Variants in MDN1 observed in about 807,000 individuals in gnomAD.
MDN1 encodes midasin AAA ATPase 1.
In MDN1, 266 loss-of-function variants were observed where a neutral mutation model predicts 669.2. The ratio of observed to expected loss-of-function variants is 0.40; its 90% CI spans 0.36 to 0.44. The LOEUF is 0.44. MDN1 is among the 20% of genes least tolerant of loss of function. The probability of loss-of-function intolerance (pLI) is 1.00; values close to 1 mark genes in which losing one functional copy is unlikely to be tolerated. For missense variants in MDN1, 5,940 were observed against 6,754.0 expected, an observed-to-expected ratio of 0.88 and a Z score of 4.22; for synonymous variants, 2,385 against 2,457.1, an observed-to-expected ratio of 0.97 and a Z score of 0.87.
At chr6:89,768,036 T>TC (rs1462078488) in intron 15 of MDN1, among the ~76,000 whole-genome samples, 2 of 150,544 alleles carry the variant, frequency 1.3e-5, no homozygotes, top group Non-Finnish European at 3.0e-5. Flanking sequence ...AGACCCTGTC[T>TC]CAAAAAAAAA....
chr6:89,644,124 T>C lies in MDN1; in HGVS notation c.16672A>G (p.Met5558Val), dbSNP rs1221757708. ...PGEMPEIRSY[M>V]EEFPFPYYII... Reference sequence around the variant, plus strand: ...TAGTATGGGAATGGGAACTCTTCCATGTAGGATCGGATTTCAGGCATCTCT... The same window carrying C: ...TAGTATGGGAATGGGAACTCTTCCACGTAGGATCGGATTTCAGGCATCTCT... Residue 5558 changes from methionine to valine, a missense_variant, in exon 102 of 102, where the codon ATG becomes GTG. Coordinates refer to ENST00000369393, the MANE Select transcript of MDN1 (RefSeq NM_014611.3). 30 of 1,614,016 alleles carry C rather than the reference T, an allele frequency of 1.9e-5. No individual in the cohort carries two copies. Among genetic ancestry groups the C allele is most frequent in the Non-Finnish European group, 2.4e-5 (28 of 1,179,976 alleles).
Position 89,730,860 on chromosome 6 carries a change from A to G in MDN1, c.5006T>C (p.Ile1669Thr). 1 of 1,614,070 alleles carries G rather than the reference A, an allele frequency of 6.2e-7. No homozygotes were observed. ...TCGTACTATCTTGGCAAGCCTCTTGATTAGAAATTTCAGACATTCTTTTCG... is the reference window on the plus strand; with the variant it reads ...TCGTACTATCTTGGCAAGCCTCTTGGTTAGAAATTTCAGACATTCTTTTCG... ...LARKECLKFL[I>T]KRLAKIVRLT... is the part of the protein sequence containing the mutation. The change falls in exon 35 of 102, where the codon ATC becomes ACC. Residue 1669 changes from isoleucine to threonine, a missense_variant. Physicochemically the swap from Ile to Thr is moderately conservative, Grantham distance 89. Around this residue, in one of 5 missense-constraint regions of MDN1, gnomAD observed 2,292 missense variants for 2,638.3 expected, o/e 0.87. Coordinates refer to ENST00000369393, the MANE Select transcript of MDN1 (RefSeq NM_014611.3).
At chr6:89,664,690 A>G (rs1249695925) in intron 84 of MDN1, 62 bp from the exon 85 acceptor site, 1 of 1,368,356 alleles carries the variant, frequency 7.3e-7, no homozygotes, top group Non-Finnish European at 1.0e-6. Flanking sequence ...TTCAGCTGTG[A>G]GATATAAATG....
intron 84 of MDN1, among the ~76,000 whole-genome samples, chr6:89,666,323 T>C (rs1351759810): frequency 1.3e-5 from 2 of 152,226 alleles, no homozygotes; most frequent in East Asian, 1.9e-4. Flanking sequence ...TGTAGTGCAA[T>C]GGCACGATCT....
intron 33 of MDN1, among the ~76,000 whole-genome samples, chr6:89,733,452 C>T (rs1815730441): frequency 1.3e-5 from 2 of 151,626 alleles, no homozygotes; most frequent in African/African-American, 4.8e-5. Context: ...AAGTCAACAA[C>T]AGTAGACATT....
intron 26 of MDN1, among the ~76,000 whole-genome samples, chr6:89,747,994 G>C (rs1296108366): frequency 6.6e-6 from 1 of 151,740 alleles, no homozygotes; most frequent in African/African-American, 2.4e-5. Flanking sequence ...ACATAAAATG[G>C]AATTCCACAT....
At chr6:89,777,771 G>A (rs1013472424) in intron 11 of MDN1, among the ~76,000 whole-genome samples, 1 of 152,052 alleles carries the variant, frequency 6.6e-6, no homozygotes, top group Admixed American at 6.6e-5. Context: ...CCACCCAGAA[G>A]TAGACTCAGT....
chr6:89,723,973 T>C (rs1815019705), intron 38 of MDN1, among the ~76,000 whole-genome samples: 1 of 152,032 alleles, frequency 6.6e-6, no homozygotes. Context: ...CGAAACCCTG[T>C]CTTCACTAAA....
intron 15 of MDN1, among the ~76,000 whole-genome samples, chr6:89,766,625 A>G (rs1562196863): frequency 6.6e-6 from 1 of 152,252 alleles, no homozygotes; most frequent in African/African-American, 2.4e-5. Context: ...AACTTTGCTT[A>G]TATCTGTTAC....
Position 89,689,955 on chromosome 6 carries a change from T to G in MDN1, c.10938A>C (p.Pro3646=). Reference sequence around the variant, plus strand: ...GGCTGAGGTAATGCTTTGCTTCATGTGGCGGCAGAGTCTGTTGATACCAGA... The same window carrying G: ...GGCTGAGGTAATGCTTTGCTTCATGGGGCGGCAGAGTCTGTTGATACCAGA... ...RSLWYQQTLP[P]HEAKHYLSLF... Residue 3646 remains proline, a synonymous_variant, in exon 65 of 102, where the codon CCA becomes CCC. Transcript: ENST00000369393. The G allele has an allele frequency of 6.2e-7, 1 of 1,614,230 alleles. No homozygotes were observed. Among genetic ancestry groups the G allele is most frequent in the Non-Finnish European group, 8.5e-7 (1 of 1,180,042 alleles).
chr6:89,652,924 C>G (rs1331494702), intron 94 of MDN1, 68 bp downstream of exon 94: 2 of 1,459,938 alleles, frequency 1.4e-6, no homozygotes, highest in East Asian at 2.4e-5. Context: ...GATTTAAAAC[C>G]AGTTTAAAAT....
At chr6:89,710,452 T>A (rs1437244863) in intron 50 of MDN1, among the ~76,000 whole-genome samples, 1 of 151,652 alleles carries the variant, frequency 6.6e-6, no homozygotes, top group Non-Finnish European at 1.5e-5. Flanking sequence ...GAGGATTGTT[T>A]GAGGCCAGAA....
At chr6:89,787,468 C>T (rs1819024880) in intron 8 of MDN1, among the ~76,000 whole-genome samples, 1 of 152,174 alleles carries the variant, frequency 6.6e-6, no homozygotes, top group African/African-American at 2.4e-5. Context: ...AGTCATTTCA[C>T]TTATTCTTTA....
At chr6:89,650,671 GAATC>G (rs1456388036) in intron 96 of MDN1, 57 bp downstream of exon 96, 17 of 1,324,894 alleles carry the variant, frequency 1.3e-5, no homozygotes, top group Non-Finnish European at 1.7e-5. Context: ...GCGTTCAACA[GAATC>G]AATGAAGCTG....
At chr6:89,648,447 G>C in intron 97 of MDN1, 118 bp from the exon 98 acceptor site, 1 of 884,018 alleles carries the variant, frequency 1.1e-6, no homozygotes, top group Non-Finnish European at 1.8e-6. Context: ...GCAAGTAGAG[G>C]AATAACATCA....
At position 89,655,923 on chromosome 6, in the gene MDN1, C is replaced by T. The variant is rs766790446; in HGVS notation, c.15331G>A (p.Gly5111Ser). The T allele has an allele frequency of 2.5e-6, 4 of 1,613,942 alleles. No homozygotes were observed. Among genetic ancestry groups the T allele is most frequent in the Admixed American group, 3.3e-5 (2 of 60,000 alleles). Residue 5111 changes from glycine to serine, a missense_variant, in exon 92 of 102, where the codon GGT (glycine) becomes AGT (serine). By Grantham distance (56) the Gly-to-Ser change is moderately conservative. Around this residue, in one of 5 missense-constraint regions of MDN1, gnomAD observed 2,280 missense variants for 2,576.3 expected, o/e 0.88. Transcript: ENST00000369393. ...TTGTGCACACGCTCATTGTGATCAC[C>T]CATGGAACGTTCATTGTCAGCCTGC... ...PGQADNERSMGDHNERVHKRL... is the reference protein window; with the variant it reads ...PGQADNERSMSDHNERVHKRL...
At chr6:89,804,803 A>G (rs6939885) in intron 1 of MDN1, among the ~76,000 whole-genome samples, 92,605 of 151,892 alleles carry the variant, frequency 0.61, 29,014 homozygotes, top group South Asian at 0.69. Context: ...AGGCCGAGGC[A>G]GGCGGATCAC....
intron 97 of MDN1, among the ~76,000 whole-genome samples, chr6:89,648,813 CAAAAA>C (rs61330666): frequency 8.2e-6 from 1 of 122,130 alleles, no homozygotes; most frequent in African/African-American, 3.2e-5. Flanking sequence ...ACCCTGTCTT[CAAAAA>C]AAAAAAAAAA....
chr6:89,777,831 C>T (rs964398832), intron 11 of MDN1, among the ~76,000 whole-genome samples: 13 of 152,098 alleles, frequency 8.5e-5, no homozygotes, highest in Non-Finnish European at 1.8e-4. Flanking sequence ...AACCAATCAG[C>T]AGGCACCCAT....
Sources: gnomAD v4.1 joint callset for allele counts (sites outside exome capture counted in the v4.1 genomes callset) on GRCh38, gnomAD v4.1.1 for gene constraint, gnomAD v4.1.1 regional missense constraint, MANE v1.5 for transcripts, NCBI Gene and HGNC (gene_info 2026-07-23, HGNC 2026-07-21) for gene names.